DENR: variants seen among roughly 807,000 people sequenced by gnomAD.
DENR encodes density-regulated protein.
A neutral mutation model predicts 30.6 loss-of-function variants in DENR; 6 were observed. The ratio of observed to expected loss-of-function variants is 0.20; its 90% CI spans 0.11 to 0.39. The LOEUF is 0.39. Among genes scored for constraint, DENR ranks in the 10% least tolerant of loss-of-function variants. The probability of loss-of-function intolerance (pLI) is 1.00; values close to 1 mark genes in which losing one functional copy is unlikely to be tolerated. For missense variants in DENR, 141 were observed against 230.9 expected, an observed-to-expected ratio of 0.61 and a Z score of 2.52; for synonymous variants, 78 against 72.1, an observed-to-expected ratio of 1.08 and a Z score of -0.41.
rs1329534444 is a variant in DENR at position 122,761,402 on chromosome 12, ACT to A, written c.107-782_107-781del. On this transcript the variant is annotated intron_variant, in intron 2 of 7. Coordinates refer to ENST00000280557, the MANE Select transcript of DENR (RefSeq NM_003677.5). ...ACTCCAGCCTGGCAGAAAGAGCAAG[ACT>A]CTGTCTCAGAAAAAAAAAAAGGAAA... 2.0e-5 allele frequency among the ~76,000 whole-genome samples: 3 copies of A among 151,982 alleles called. No individual in the cohort carries two copies. In the East Asian group the frequency reaches 5.8e-4, roughly 29 times the overall value.
intron 2 of DENR, among the ~76,000 whole-genome samples, chr12:122,761,409 C>G (rs983940270): frequency 1.3e-5 from 2 of 150,196 alleles, no homozygotes; most frequent in Non-Finnish European, 3.0e-5. Context: ...AAGACTCTGT[C>G]TCAGAAAAAA....
At chr12:122,756,486 T>G (rs920160764) in intron 2 of DENR, among the ~76,000 whole-genome samples, 1 of 151,994 alleles carries the variant, frequency 6.6e-6, no homozygotes, top group African/African-American at 2.4e-5. Context: ...GATTAAGGAC[T>G]AATAGCTGCA....
At chr12:122,765,446 G>A in intron 5 of DENR, 59 bp downstream of exon 5, 1 of 1,433,948 alleles carries the variant, frequency 7.0e-7, no homozygotes, top group Non-Finnish European at 9.5e-7. Context: ...GATAGAAAAT[G>A]TAAGTAATTA....
At position 122,770,559 on chromosome 12, in the gene DENR, C is replaced by A. The variant is rs1593766672; in HGVS notation, c.*1481C>A. 4 of 398,250 alleles carry A rather than the reference C, an allele frequency of 1.0e-5. No homozygotes were observed. The East Asian group carries it at 1.4e-4, about 14-fold the overall frequency. The allele number at this position is 398,250 out of a possible 1,614,324, so 24.7% of individuals were successfully genotyped here. ...GCTCAATATATAGTCCTGGAAATAG[C>A]AATTGAAACATGTCTTCTCACAAGA... On this transcript the variant is annotated 3_prime_UTR_variant, in exon 8 of 8. Transcript: ENST00000280557.
intron 2 of DENR, among the ~76,000 whole-genome samples, chr12:122,757,383 G>A (rs1427612826): frequency 1.3e-5 from 2 of 152,186 alleles, no homozygotes; most frequent in Non-Finnish European, 2.9e-5. Flanking sequence ...TTTAACAGGT[G>A]AGTTATAATG....
intron 4 of DENR, among the ~76,000 whole-genome samples, chr12:122,763,522 A>G (rs947248984): frequency 3.9e-5 from 6 of 152,132 alleles, no homozygotes; most frequent in African/African-American, 1.4e-4. Flanking sequence ...CCTGATCAAC[A>G]TGGAGAAACC....
intron 3 of DENR, among the ~76,000 whole-genome samples, chr12:122,762,472 A>C (rs1878728002): frequency 6.6e-6 from 1 of 152,228 alleles, no homozygotes; most frequent in Non-Finnish European, 1.5e-5. Flanking sequence ...CAGCTAATAA[A>C]ATAAGAGTAA....
intron 4 of DENR, among the ~76,000 whole-genome samples, chr12:122,764,144 G>A (rs1176972155): frequency 2.6e-5 from 4 of 152,188 alleles, no homozygotes; most frequent in African/African-American, 9.6e-5. Flanking sequence ...AAGGACCGGA[G>A]AAGAGTTTGA....
chr12:122,754,989 C>T (rs1180351999), intron 2 of DENR, among the ~76,000 whole-genome samples: 1 of 152,138 alleles, frequency 6.6e-6, no homozygotes, highest in African/African-American at 2.4e-5. Flanking sequence ...AAAATGATGA[C>T]TTTGAGAAAG....
intron 1 of DENR, among the ~76,000 whole-genome samples, 187 bp downstream of exon 1, chr12:122,753,137 C>T (rs988940174): frequency 6.6e-6 from 1 of 152,206 alleles, no homozygotes; most frequent in African/African-American, 2.4e-5. Flanking sequence ...CCTCAGTGCT[C>T]TTACATTCTG....
intron 2 of DENR, among the ~76,000 whole-genome samples, chr12:122,758,297 C>A (rs571985022): frequency 6.6e-6 from 1 of 152,250 alleles, no homozygotes; most frequent in East Asian, 1.9e-4. Context: ...GTCTTGAACT[C>A]CTGACCTTGT....
chr12:122,753,551 G>T, intron 1 of DENR, 142 bp from the exon 2 acceptor site: 1 of 651,922 alleles, frequency 1.5e-6, no homozygotes, highest in South Asian at 1.8e-5. Context: ...CATATTTTAT[G>T]AATCGAATGC....
Position 122,769,246 on chromosome 12 carries a change from G to GTATATA in DENR, c.*175_*180dup. On this transcript the variant is annotated 3_prime_UTR_variant, in exon 8 of 8. Transcript: ENST00000280557. The stretch of plus-strand genomic sequence containing the variant: ...TATATACATGTGTGTATGTATACAT[G>GTATATA]TATATATATATACATACACATATAT... 1 of 552,902 alleles carries GTATATA rather than the reference G, an allele frequency of 1.8e-6. No homozygotes were observed. Among genetic ancestry groups the GTATATA allele is most frequent in the South Asian group, 6.4e-5 (1 of 15,602 alleles). The allele number at this position is 552,902 out of a possible 1,614,324, so 34.2% of individuals were successfully genotyped here.
rs942251122 is a variant in DENR at position 122,752,945 on chromosome 12, G to T, written c.-15G>T. The T allele has an allele frequency of 2.6e-5, 4 of 152,346 alleles. No homozygotes were observed. Among genetic ancestry groups the T allele is most frequent in the Non-Finnish European group, 4.4e-5 (3 of 68,128 alleles). The allele number at this position is 152,346 out of a possible 1,614,324, so 9.4% of individuals were successfully genotyped here. A position where few individuals can be genotyped will look rare whatever the true frequency, so the allele number is the denominator to read the frequency against. The stretch of plus-strand genomic sequence containing the variant: ...CGGAGCCGGCGGGGCCTGTGCGACC[G>T]CCTGGGTAACGACCCCAAGTGCTTC... On this transcript the variant is annotated 5_prime_UTR_variant, in exon 1 of 8. Transcript: ENST00000280557.
At chr12:122,768,968 A>C in intron 7 of DENR, 47 bp downstream of exon 7, 1 of 1,606,738 alleles carries the variant, frequency 6.2e-7, no homozygotes, top group Non-Finnish European at 8.5e-7. Flanking sequence ...TTTTTAAAGC[A>C]AATTGCTTCC....
At chr12:122,765,273 T>A (rs1878818059) in intron 4 of DENR, 31 bp from the exon 5 acceptor site, 1 of 1,521,532 alleles carries the variant, frequency 6.6e-7, no homozygotes, top group South Asian at 1.2e-5. Flanking sequence ...GAGATGATGT[T>A]CATGCTTTTG....
In DENR at chr12:122,769,289, T is replaced by TATATGTATACATATATACAC. The variant is rs780396654; in HGVS notation, c.*229_*248dup. Reference sequence around the variant, plus strand: ...ACATATATGTATACATATATACACATATATGTATACATATATACACATATG... The same window carrying TATATGTATACATATATACAC: ...ACATATATGTATACATATATACACATATATGTATACATATATACACATATGTATACATATATACACATATG... On this transcript the variant is annotated 3_prime_UTR_variant, in exon 8 of 8. Transcript: ENST00000280557. The TATATGTATACATATATACAC allele has an allele frequency of 6.2e-6, 5 of 800,976 alleles. No homozygotes were observed. Among genetic ancestry groups the TATATGTATACATATATACAC allele is most frequent in the South Asian group, 5.3e-5 (1 of 19,014 alleles). 49.6% of individuals were successfully genotyped at this position (800,976 alleles called of 1,614,324 possible). A position where few individuals can be genotyped will look rare whatever the true frequency, so the allele number is the denominator to read the frequency against.
chr12:122,755,426 A>G (rs1398629339), intron 2 of DENR, among the ~76,000 whole-genome samples: 1 of 152,032 alleles, frequency 6.6e-6, no homozygotes, highest in Non-Finnish European at 1.5e-5. Context: ...AAAAATACAA[A>G]AACTTAGCCA....
rs1879010489 is a variant in DENR, at chr12:122,770,605, T to A, written c.*1527T>A. 4 of 398,568 alleles carry A rather than the reference T, an allele frequency of 1.0e-5. No individual in the cohort carries two copies. Among genetic ancestry groups the A allele is most frequent in the Non-Finnish European group, 1.8e-5 (4 of 226,038 alleles). The allele number at this position is 398,568 out of a possible 1,614,324, so 24.7% of individuals were successfully genotyped here. On this transcript the variant is annotated 3_prime_UTR_variant, in exon 8 of 8. Coordinates refer to ENST00000280557, the MANE Select transcript of DENR (RefSeq NM_003677.5). ...CAAGAGAAAATGACAGTTTTAATGA[T>A]GTATTTGATGAATTTAAACTTTAAG...
Sources: allele counts gnomAD v4.1 joint callset (sites outside exome capture counted in the v4.1 genomes callset), GRCh38; gene constraint gnomAD v4.1.1; transcripts MANE v1.5; gene names NCBI Gene and HGNC (gene_info 2026-07-23, HGNC 2026-07-21).